The following EDARADD variants were observed in gnomAD, a reference collection of about 807,000 sequenced individuals.
EDARADD encodes the protein EDAR associated via death domain.
Under a neutral mutation model 25.6 loss-of-function variants are expected in EDARADD, and 20 were observed. That is an observed-to-expected ratio of 0.78 (90% CI 0.55 to 1.14). The LOEUF is 1.14. Among genes scored for constraint, EDARADD ranks in the 50% most tolerant of loss-of-function variants. The pLI is 0.00. For missense variants in EDARADD, 225 were observed against 270.1 expected (o/e 0.83, Z 1.17); for synonymous variants, 86 against 94.4 (o/e 0.91, Z 0.52).
chr1:236,374,952 T>A (rs1246262135), intron 3 of EDARADD, among the ~76,000 whole-genome samples: 1 of 149,260 alleles, frequency 6.7e-6, no homozygotes, highest in Non-Finnish European at 1.5e-5. Context: ...TTTCTATTCA[T>A]TGCCTTTATT....
rs1659742405 is a variant in EDARADD at position 236,483,513 on chromosome 1, GC to G, written c.*865del. ...AAATGCCATTCTGGGAGTGTCCCTC[GC>G]TGCCTGCAAAGCTAGTGCTGTTGAG... On this transcript the variant is annotated 3_prime_UTR_variant, in exon 6 of 6. Transcript: ENST00000334232. 1 of 1,026,512 alleles carries G rather than the reference GC, an allele frequency of 9.7e-7. No individual in the cohort carries two copies. The allele number at this position is 1,026,512 out of a possible 1,614,324, so 63.6% of individuals were successfully genotyped here.
At chr1:236,358,431 G>C (rs1301675490) in intron 3 of EDARADD, among the ~76,000 whole-genome samples, 1 of 152,182 alleles carries the variant, frequency 6.6e-6, no homozygotes, top group South Asian at 2.1e-4. Flanking sequence ...TCTTCTGCTA[G>C]CTTTGGCATT....
intron 5 of EDARADD, among the ~76,000 whole-genome samples, chr1:236,471,978 G>T (rs1659372805): frequency 6.6e-6 from 1 of 152,172 alleles, no homozygotes; most frequent in African/African-American, 2.4e-5. Flanking sequence ...CGCCAGCCAT[G>T]AACTTACAAG....
intron 5 of EDARADD, among the ~76,000 whole-genome samples, chr1:236,472,974 T>C (rs756480602): frequency 3.2e-4 from 48 of 152,180 alleles, no homozygotes; most frequent in Admixed American, 2.0e-4. Context: ...AATTTCTAGA[T>C]AAAGAGCTCT....
intron 3 of EDARADD, among the ~76,000 whole-genome samples, chr1:236,362,485 C>T (rs973234805): frequency 1.3e-5 from 2 of 152,160 alleles, no homozygotes; most frequent in African/African-American, 2.4e-5. Context: ...AACACTTCCC[C>T]AGCTTGTGGC....
chr1:236,453,001 G>T (rs1288792792), intron 4 of EDARADD, among the ~76,000 whole-genome samples: 3 of 152,118 alleles, frequency 2.0e-5, no homozygotes, highest in African/African-American at 4.8e-5. Context: ...GTGAGTACTT[G>T]CCCCCCACTC....
At chr1:236,461,086 T>A in intron 4 of EDARADD, among the ~76,000 whole-genome samples, 1 of 152,120 alleles carries the variant, frequency 6.6e-6, no homozygotes, top group Non-Finnish European at 1.5e-5. Flanking sequence ...CCTCCCAAAG[T>A]GCTGGGATTA....
intron 3 of EDARADD, among the ~76,000 whole-genome samples, chr1:236,356,177 C>T (rs1189956862): frequency 6.6e-6 from 1 of 152,014 alleles, no homozygotes; most frequent in African/African-American, 2.4e-5. Flanking sequence ...GGCTCAGTGA[C>T]TTCATCTCAG....
At chr1:236,463,630 A>G (rs549991146) in intron 4 of EDARADD, among the ~76,000 whole-genome samples, 2 of 152,324 alleles carry the variant, frequency 1.3e-5, no homozygotes, top group Non-Finnish European at 2.9e-5. Flanking sequence ...AGTGGCATTA[A>G]GTATATTCGC....
In EDARADD at chr1:236,480,478, T is replaced by G. The variant is rs1305041869; in HGVS notation, c.266-1789T>G. ...TGAGCCTATTTTCAAGGCTCTTGTT[T>G]TATTACCTTTTAATTTCCACTTGCC... On this transcript the variant is annotated intron_variant, in intron 5 of 5. Transcript: ENST00000334232. Among the ~76,000 whole-genome samples, 3 of 152,142 alleles carry G rather than the reference T, an allele frequency of 2.0e-5. No homozygotes were observed. The East Asian group carries it at 5.8e-4, about 29-fold the overall frequency.
intron 3 of EDARADD, among the ~76,000 whole-genome samples, chr1:236,363,497 A>C (rs1667078710): frequency 6.6e-6 from 1 of 151,754 alleles, no homozygotes; most frequent in South Asian, 2.1e-4. Flanking sequence ...CAGGAGGATC[A>C]CTTGAGGCCG....
At chr1:236,372,304 C>A (rs1309490828) in intron 3 of EDARADD, among the ~76,000 whole-genome samples, 1 of 152,040 alleles carries the variant, frequency 6.6e-6, no homozygotes, top group Non-Finnish European at 1.5e-5. Context: ...TTGTCAAATG[C>A]TTTTTCTGTA....
intron 1 of EDARADD, among the ~76,000 whole-genome samples, chr1:236,396,706 T>A (rs1391486920): frequency 1.2e-4 from 19 of 152,048 alleles, no homozygotes; most frequent in Admixed American, 1.2e-3. Context: ...CTTTTTTTTT[T>A]TTAAGTGGGG....
intron 5 of EDARADD, among the ~76,000 whole-genome samples, chr1:236,476,113 AC>A: frequency 6.6e-6 from 1 of 152,082 alleles, no homozygotes; most frequent in Non-Finnish European, 1.5e-5. Context: ...AATCGCTGGA[AC>A]CTGGTAGGCA....
chr1:236,402,918 G>A (rs1667639816), intron 1 of EDARADD, among the ~76,000 whole-genome samples: 1 of 152,174 alleles, frequency 6.6e-6, no homozygotes, highest in South Asian at 2.1e-4. Context: ...ATGCAGAGCA[G>A]ACGCTAGGGA....
chr1:236,446,079 A>G (rs1199982773), intron 4 of EDARADD, among the ~76,000 whole-genome samples: 2 of 152,202 alleles, frequency 1.3e-5, no homozygotes, highest in East Asian at 1.9e-4. Context: ...AATGCTTTAT[A>G]TGAAAAATGC....
In EDARADD at chr1:236,482,641, C is replaced by T. The variant is rs1462821448; in HGVS notation, c.640C>T (p.His214Tyr). 3 of 1,611,874 alleles carry T rather than the reference C, an allele frequency of 1.9e-6. No individual in the cohort carries two copies. The highest frequency in any genetic ancestry group is 2.5e-6 in the Non-Finnish European group (3 of 1,180,016). ...PKRERGDPSR[H>Y]F ...GCGGGAGCGTGGAGACCCCTCCAGGCACTTCTAGAGCTCTTCTTCTTCCTT... is the reference window on the plus strand; with the variant it reads ...GCGGGAGCGTGGAGACCCCTCCAGGTACTTCTAGAGCTCTTCTTCTTCCTT... Residue 214 changes from histidine to tyrosine, a missense_variant, in exon 6 of 6, where the codon CAC (histidine) becomes TAC (tyrosine). Physicochemically the swap from His to Tyr is moderately conservative, Grantham distance 83. Coordinates refer to ENST00000334232, the MANE Select transcript of EDARADD (RefSeq NM_145861.4).
chr1:236,482,231 T>C, intron 5 of EDARADD, 36 bp from the exon 6 acceptor site: 2 of 1,613,934 alleles, frequency 1.2e-6, no homozygotes, highest in Non-Finnish European at 1.7e-6. Context: ...GTTAGGCCTC[T>C]TGTTGACCTG....
intron 3 of EDARADD, among the ~76,000 whole-genome samples, chr1:236,426,062 G>T (rs1209250767): frequency 6.6e-6 from 1 of 151,886 alleles, no homozygotes; most frequent in African/African-American, 2.4e-5. Context: ...GCTCACTGCA[G>T]CCTTGAACTC....
Sources: gnomAD v4.1 joint callset for allele counts (sites outside exome capture counted in the v4.1 genomes callset) on GRCh38, gnomAD v4.1.1 for gene constraint, MANE v1.5 for transcripts, NCBI Gene and HGNC (gene_info 2026-07-23, HGNC 2026-07-21) for gene names.